PLCH1: variants seen among roughly 807,000 people sequenced by gnomAD.
PLCH1 encodes 1-phosphatidylinositol 4,5-bisphosphate phosphodiesterase eta-1.
Under a neutral mutation model 126.7 loss-of-function variants are expected in PLCH1, and 60 were observed. The observed-to-expected ratio is 0.47, with a 90% CI of 0.38 to 0.59. The LOEUF is 0.59. Among genes scored for constraint, PLCH1 ranks in the 20% least tolerant of loss-of-function variants. The probability of loss-of-function intolerance (pLI) is 0.00; values close to 1 mark genes in which losing one functional copy is unlikely to be tolerated. For missense variants in PLCH1, 1,723 were observed against 2,040.0 expected, an observed-to-expected ratio of 0.84 and a Z score of 2.99; for synonymous variants, 719 against 734.9, an observed-to-expected ratio of 0.98 and a Z score of 0.35.
At position 155,481,514 on chromosome 3, in the gene PLCH1, C is replaced by T; in HGVS notation, c.4512G>A (p.Gln1504=). ...TTGTAACAAAACTCTTACTAATACA[C>T]TGGTACTTGCTCTCAAAATTGCAGG... ...DIACNFESKY[Q]CISKSFVTTG... The change falls in exon 23 of 23, where the codon CAG becomes CAA. Residue 1504 remains glutamine, a synonymous_variant. Coordinates refer to ENST00000460012, the MANE Select transcript of PLCH1 (RefSeq NM_014996.4). This position sits in a 1 kb window ranked among gnomAD's most constrained non-coding sequence, Gnocchi z 4.2. The T allele has an allele frequency of 1.2e-6, 2 of 1,614,170 alleles. No homozygotes were observed. Among genetic ancestry groups the T allele is most frequent in the Admixed American group, 3.3e-5 (2 of 60,028 alleles).
At chr3:155,495,362 C>T (rs570252685) in intron 15 of PLCH1, among the ~76,000 whole-genome samples, 1 of 152,268 alleles carries the variant, frequency 6.6e-6, no homozygotes, top group African/African-American at 2.4e-5. Context: ...TCCAATCCCA[C>T]CTTTTGTACC....
intron 1 of PLCH1, chr3:155,742,848 T>C (rs1749726419): frequency 6.5e-6 from 1 of 155,038 alleles, no homozygotes; most frequent in Non-Finnish European, 1.4e-5. Context: ...CATTTGCTGA[T>C]GGTGGGAGGA....
intron 4 of PLCH1, among the ~76,000 whole-genome samples, chr3:155,592,405 G>T (rs1732313454): frequency 6.7e-6 from 1 of 150,284 alleles, no homozygotes; most frequent in East Asian, 2.0e-4. Context: ...TGAGGCAGGA[G>T]AATTGCTTGA....
At chr3:155,515,601 G>C (rs929442181) in intron 11 of PLCH1, among the ~76,000 whole-genome samples, 2 of 152,218 alleles carry the variant, frequency 1.3e-5, no homozygotes, top group Non-Finnish European at 2.9e-5. Flanking sequence ...CTGTCCAGAT[G>C]ATGACTCACA....
rs371679861 is a variant in PLCH1, at chr3:155,488,127, T to A, written c.2540-20A>T. The A allele has an allele frequency of 1.3e-5, 20 of 1,536,096 alleles. No individual in the cohort carries two copies. The African/African-American group carries it at 2.5e-4, about 19-fold the overall frequency. On this transcript the variant is annotated intron_variant, in intron 20 of 22. Coordinates refer to ENST00000460012, the MANE Select transcript of PLCH1 (RefSeq NM_014996.4). ...GGTAGCCTGATAAAAGGAAAGAGAG[T>A]CGTTTCTTTTTAGTTGAACTTGCAT...
At chr3:155,469,611 C>T (rs1300529863) in intron 21 of PLCH1, among the ~76,000 whole-genome samples, 1 of 151,990 alleles carries the variant, frequency 6.6e-6, no homozygotes, top group Non-Finnish European at 1.5e-5. Flanking sequence ...GTAGGCTCCA[C>T]CTCTGGGGGC....
chr3:155,494,120 G>T (rs760825799), intron 17 of PLCH1, 21 bp downstream of exon 17: 1 of 1,554,152 alleles, frequency 6.4e-7, no homozygotes, highest in South Asian at 1.1e-5. Flanking sequence ...CTGCATTTAT[G>T]ACTATGAAAT....
At chr3:155,721,825 A>T (rs1192839244) in intron 1 of PLCH1, among the ~76,000 whole-genome samples, 1 of 152,192 alleles carries the variant, frequency 6.6e-6, no homozygotes, top group Non-Finnish European at 1.5e-5. Context: ...AGGTGGGCTG[A>T]TCACCTGAAG....
intron 10 of PLCH1, among the ~76,000 whole-genome samples, chr3:155,531,567 G>C (rs1180735225): frequency 3.3e-5 from 5 of 152,226 alleles, no homozygotes; most frequent in Admixed American, 2.0e-4. Flanking sequence ...AGAAGTTGTA[G>C]TGACCCAAGA....
Position 155,481,428 on chromosome 3 carries a change from G to T in PLCH1, c.4598C>A (p.Ala1533Asp), listed in dbSNP as rs772911379. Residue 1533 changes from alanine to aspartate, a missense_variant, in exon 23 of 23, where the codon GCC becomes GAC. This residue lies in a region of PLCH1 where 947 missense variants were observed against 977.1 expected (regional missense o/e 0.97). Coordinates refer to ENST00000460012, the MANE Select transcript of PLCH1 (RefSeq NM_014996.4). The surrounding 1 kb of genome is among the most constrained non-coding windows in gnomAD (Gnocchi z 4.2). ...AAGCTTCCGAAGCTGCTCGGTCAGG[G>T]CATCTATAGGCTCTAACGACTTTGT... ...VKTKSLEPID[A>D]LTEQLRKLVS... The T allele has an allele frequency of 2.5e-6, 4 of 1,614,012 alleles. No homozygotes were observed. The African/African-American group carries it at 5.3e-5, about 22-fold the overall frequency.
At chr3:155,620,147 C>T (rs1736279847) in intron 2 of PLCH1, among the ~76,000 whole-genome samples, 1 of 152,064 alleles carries the variant, frequency 6.6e-6, no homozygotes, top group Non-Finnish European at 1.5e-5. Context: ...AGATGAAAAA[C>T]ACTGAAAACT....
intron 18 of PLCH1, among the ~76,000 whole-genome samples, chr3:155,491,706 TC>T (rs749625529): frequency 1.3e-5 from 2 of 152,180 alleles, no homozygotes; most frequent in Non-Finnish European, 2.9e-5. Context: ...ACAAAATTTG[TC>T]TGCTGTGATA....
intron 2 of PLCH1, among the ~76,000 whole-genome samples, chr3:155,681,222 C>T (rs1744507394): frequency 6.6e-6 from 1 of 152,016 alleles, no homozygotes; most frequent in South Asian, 2.1e-4. Context: ...AGTTTAGTAA[C>T]ACTAAACTTA....
intron 2 of PLCH1, among the ~76,000 whole-genome samples, chr3:155,622,961 T>A (rs1736716497): frequency 6.6e-6 from 1 of 152,162 alleles, no homozygotes; most frequent in South Asian, 2.1e-4. Flanking sequence ...AGAATATATA[T>A]TCTTCTCAGG....
At chr3:155,612,966 A>C (rs1430466161) in intron 2 of PLCH1, among the ~76,000 whole-genome samples, 5 of 151,860 alleles carry the variant, frequency 3.3e-5, no homozygotes, top group Non-Finnish European at 7.4e-5. Flanking sequence ...AAAACGAGAG[A>C]TATTACAATC....
intron 11 of PLCH1, among the ~76,000 whole-genome samples, chr3:155,515,821 G>T (rs962654154): frequency 6.6e-6 from 1 of 152,150 alleles, no homozygotes; most frequent in African/African-American, 2.4e-5. Flanking sequence ...GGAGGAAAGG[G>T]ATACTCCTTC....
At chr3:155,658,294 G>T in intron 2 of PLCH1, 1 of 208,988 alleles carries the variant, frequency 4.8e-6, no homozygotes, top group South Asian at 9.3e-5. Context: ...TGTTACTTGT[G>T]ACTGGATCTC....
At chr3:155,607,544 T>C (rs1734520095) in intron 2 of PLCH1, among the ~76,000 whole-genome samples, 1 of 152,002 alleles carries the variant, frequency 6.6e-6, no homozygotes, top group Non-Finnish European at 1.5e-5. Context: ...TGGGCTCAGA[T>C]GATCCTTCCA....
In PLCH1 at chr3:155,500,764, T is replaced by G; in HGVS notation, c.1735A>C (p.Ser579Arg). 6.2e-7 allele frequency: 1 copy of G among 1,613,450 alleles called. No homozygotes were observed. Among genetic ancestry groups the G allele is most frequent in the Non-Finnish European group, 8.5e-7 (1 of 1,179,394 alleles). Residue 579 changes from serine to arginine, a missense_variant, in exon 14 of 23, where the codon AGT becomes CGT. Coordinates refer to ENST00000460012, the MANE Select transcript of PLCH1 (RefSeq NM_014996.4). ...TGTGTGTCTTCCTCATCATCAGTAC[T>G]GTAAGATTTAGACCGTGATTTTGTA... The part of the protein sequence containing the change: ...KTTKSRSKSY[S>R]TDDEEDTQQS...
Sources: allele counts gnomAD v4.1 joint callset (sites outside exome capture counted in the v4.1 genomes callset), GRCh38; gene constraint gnomAD v4.1.1; regional missense constraint gnomAD v4.1.1; non-coding constraint Gnocchi (gnomAD v3.1); transcripts MANE v1.5; gene names NCBI Gene and HGNC (gene_info 2026-07-23, HGNC 2026-07-21).